Variants in C10orf90 observed in about 807,000 individuals in gnomAD.
C10orf90 encodes chromosome 10 open reading frame 90.
Under a neutral mutation model 62.5 loss-of-function variants are expected in C10orf90, and 56 were observed. The ratio of observed to expected loss-of-function variants is 0.90; its 90% CI spans 0.72 to 1.12. The LOEUF (loss-of-function observed/expected upper bound fraction) is 1.12. C10orf90 is among the 50% of genes most tolerant of loss of function. C10orf90 has a pLI of 0.00. For synonymous variants in C10orf90, 386 were observed against 340.4 expected (o/e 1.13, Z -1.47); for missense variants, 970 against 880.4 (o/e 1.10, Z -1.29).
intron 4 of C10orf90, among the ~76,000 whole-genome samples, chr10:126,500,041 C>T (rs916901426): frequency 6.6e-6 from 1 of 152,230 alleles, no homozygotes; most frequent in Non-Finnish European, 1.5e-5. Flanking sequence ...CCACAAAGAA[C>T]TGGATTTCAG....
At chr10:126,434,877 A>G (rs1231891617) in intron 7 of C10orf90, among the ~76,000 whole-genome samples, 1 of 152,156 alleles carries the variant, frequency 6.6e-6, no homozygotes, top group Admixed American at 6.5e-5. Flanking sequence ...TTCTTGATGT[A>G]GGCAATAGGA....
chr10:126,489,321 C>G (rs982269066), intron 4 of C10orf90, among the ~76,000 whole-genome samples: 2 of 151,894 alleles, frequency 1.3e-5, no homozygotes, highest in Non-Finnish European at 2.9e-5. Context: ...GTATTCAACA[C>G]CAATGCATAA....
At chr10:126,516,699 G>A (rs543508517) in intron 2 of C10orf90, among the ~76,000 whole-genome samples, 91 of 152,286 alleles carry the variant, frequency 6.0e-4, no homozygotes, top group Admixed American at 1.8e-3. Flanking sequence ...TGGCTGCTGC[G>A]ACAAACGACC....
chr10:126,555,461 G>A (rs1252878717), intron 2 of C10orf90, among the ~76,000 whole-genome samples: 1 of 151,776 alleles, frequency 6.6e-6, no homozygotes, highest in Non-Finnish European at 1.5e-5. Context: ...ATCACTTGAG[G>A]TCATGAGTTT....
At chr10:126,491,529 G>A (rs1038123477) in intron 4 of C10orf90, among the ~76,000 whole-genome samples, 1 of 152,118 alleles carries the variant, frequency 6.6e-6, no homozygotes, top group Non-Finnish European at 1.5e-5. Context: ...TTTGGAAAAA[G>A]TATGATGGCA....
At chr10:126,502,342 A>G (rs1862453650) in intron 4 of C10orf90, among the ~76,000 whole-genome samples, 1 of 152,232 alleles carries the variant, frequency 6.6e-6, no homozygotes, top group South Asian at 2.1e-4. Context: ...GCTTAAAGCC[A>G]CTGAAACGCT....
At chr10:126,594,553 T>C (rs1464638747) in intron 2 of C10orf90, among the ~76,000 whole-genome samples, 1 of 152,132 alleles carries the variant, frequency 6.6e-6, no homozygotes, top group African/African-American at 2.4e-5. Context: ...ACCCTCCTGG[T>C]GACTGTATTC....
chr10:126,507,282 G>A (rs1207909300), intron 3 of C10orf90, among the ~76,000 whole-genome samples: 4 of 148,462 alleles, frequency 2.7e-5, no homozygotes, highest in Admixed American at 6.8e-5. Context: ...GCGTGAACCC[G>A]AGAGACGGAG....
chr10:126,490,059 A>G (rs528535215), intron 4 of C10orf90, among the ~76,000 whole-genome samples: 394 of 91,906 alleles, frequency 4.3e-3, no homozygotes, highest in African/African-American at 0.015. Flanking sequence ...ATTATGTTAT[A>G]TAATATATAA....
At chr10:126,572,090 T>C (rs1816222441) in intron 2 of C10orf90, among the ~76,000 whole-genome samples, 3 of 152,202 alleles carry the variant, frequency 2.0e-5, no homozygotes, top group Admixed American at 2.0e-4. Context: ...TACGACCTGC[T>C]GGGCTGTATT....
At chr10:126,659,899 G>A (rs1321686314) in intron 1 of C10orf90, among the ~76,000 whole-genome samples, 3 of 152,212 alleles carry the variant, frequency 2.0e-5, no homozygotes, top group African/African-American at 7.2e-5. Context: ...ATGCACTTCT[G>A]TTTATTCATT....
At chr10:126,505,357 G>A (rs558451396) in intron 3 of C10orf90, among the ~76,000 whole-genome samples, 1 of 152,302 alleles carries the variant, frequency 6.6e-6, no homozygotes, top group East Asian at 1.9e-4. Context: ...ATCTAATGAT[G>A]TGTCAACGGG....
intron 2 of C10orf90, among the ~76,000 whole-genome samples, chr10:126,635,911 G>C (rs111337295): frequency 1.3e-5 from 2 of 152,208 alleles, no homozygotes; most frequent in East Asian, 1.9e-4. Flanking sequence ...TAGTTTGAGA[G>C]ACAGACACTT....
chr10:126,511,270 T>TC (rs1234271790), intron 3 of C10orf90, among the ~76,000 whole-genome samples: 1 of 152,204 alleles, frequency 6.6e-6, no homozygotes, highest in African/African-American at 2.4e-5. Context: ...ATTTTGCCTT[T>TC]CCGTGCAGTT....
Position 126,453,509 on chromosome 10 carries a change from G to C in C10orf90, c.2188+5531C>G, listed in dbSNP as rs754418840. 5.1e-4 allele frequency among the ~76,000 whole-genome samples: 78 copies of C among 152,108 alleles called. No homozygotes were observed. Among genetic ancestry groups the C allele is most frequent in the Non-Finnish European group, 9.6e-4 (65 of 68,030 alleles). ...TAGAAGAAGGGGATGTTCCTGAAGG[G>C]TTTTCTACACATTCGAAGGTTAAGG... is the stretch of plus-strand genomic sequence containing the variant. On this transcript the variant is annotated intron_variant, in intron 7 of 9. Transcript: ENST00000488181. The surrounding 1 kb of genome is among the most constrained non-coding windows in gnomAD (Gnocchi z 4.9).
intron 2 of C10orf90, among the ~76,000 whole-genome samples, chr10:126,600,159 C>CGTATCGCATGTGTGTGCACACGTGTGTGT (rs1845170269): frequency 6.6e-6 from 1 of 151,650 alleles, no homozygotes; most frequent in African/African-American, 2.4e-5. Context: ...CAAGTGTGTG[C>CGTATCGCATGTGTGTGCACACGTGTGTGT]GTATCGCATG....
At chr10:126,550,522 T>C (rs1350820171) in intron 2 of C10orf90, among the ~76,000 whole-genome samples, 1 of 152,128 alleles carries the variant, frequency 6.6e-6, no homozygotes, top group Non-Finnish European at 1.5e-5. Context: ...TCTTTCTAAT[T>C]TTTTGGAGAC....
chr10:126,544,253 A>G (rs902131914), intron 2 of C10orf90, among the ~76,000 whole-genome samples: 1 of 152,204 alleles, frequency 6.6e-6, no homozygotes, highest in Non-Finnish European at 1.5e-5. Context: ...GTGAAACTGC[A>G]TCTGCTCATA....
At chr10:126,581,496 A>G (rs2134016243) in intron 2 of C10orf90, among the ~76,000 whole-genome samples, 1 of 149,040 alleles carries the variant, frequency 6.7e-6, no homozygotes, top group African/African-American at 2.5e-5. Flanking sequence ...GGTCCCAGGT[A>G]CTCCGCAAGT....
Sources: gnomAD v4.1 joint callset for allele counts (sites outside exome capture counted in the v4.1 genomes callset) on GRCh38, gnomAD v4.1.1 for gene constraint, Gnocchi (gnomAD v3.1) non-coding constraint, MANE v1.5 for transcripts, NCBI Gene and HGNC (gene_info 2026-07-23, HGNC 2026-07-21) for gene names.